Variants in RAB38 observed in about 807,000 individuals in gnomAD.
RAB38 encodes the protein ras-related protein Rab-38.
In RAB38, 15 loss-of-function variants were observed where a neutral mutation model predicts 18.4. That is an observed-to-expected ratio of 0.82 (90% CI 0.55 to 1.26). The LOEUF is 1.26. RAB38 is among the 50% of genes most tolerant of loss of function. The probability of loss-of-function intolerance (pLI) is 0.00; values close to 1 mark genes in which losing one functional copy is unlikely to be tolerated. For synonymous variants in RAB38, 101 were observed against 104.4 expected (o/e 0.97, Z 0.20); for missense variants, 294 against 267.4 (o/e 1.10, Z -0.69).
At chr11:88,056,850 T>C in the RAB38 span, among the ~76,000 whole-genome samples, 76,880 of 151,602 alleles carry the variant, frequency 0.51, 20,173 homozygotes, top group South Asian at 0.62. Flanking sequence ...CATACATACA[T>C]ACATACATAC....
At chr11:88,046,489 T>G in the RAB38 span, among the ~76,000 whole-genome samples, 3 of 152,296 alleles carry the variant, frequency 2.0e-5, no homozygotes, top group East Asian at 5.8e-4. Flanking sequence ...CTCTTTGCTT[T>G]CACTTGTACT....
intron 1 of RAB38, among the ~76,000 whole-genome samples, chr11:88,172,518 G>T (rs1023631887): frequency 5.3e-5 from 8 of 152,270 alleles, no homozygotes; most frequent in African/African-American, 1.7e-4. Flanking sequence ...AACAGTGCAG[G>T]TCTTCTCTAT....
intron 2 of RAB38, among the ~76,000 whole-genome samples, chr11:88,136,599 A>G (rs988431697): frequency 6.6e-6 from 1 of 152,216 alleles, no homozygotes; most frequent in African/African-American, 2.4e-5. Flanking sequence ...AAAAGTAGAA[A>G]GCTGGAAAGA....
the RAB38 span, among the ~76,000 whole-genome samples, chr11:87,967,907 G>A: frequency 6.6e-6 from 1 of 152,130 alleles, no homozygotes; most frequent in Non-Finnish European, 1.5e-5. Context: ...CATGCGGGAG[G>A]TGTTGGGTGT....
the RAB38 span, among the ~76,000 whole-genome samples, chr11:88,040,656 C>T: frequency 6.6e-6 from 1 of 152,066 alleles, no homozygotes; most frequent in African/African-American, 2.4e-5. Context: ...TGAGCCGTGA[C>T]TGCACCACGG....
chr11:87,900,656 A>AAAGG, the RAB38 span, among the ~76,000 whole-genome samples: 3 of 118,924 alleles, frequency 2.5e-5, no homozygotes, highest in Non-Finnish European at 5.1e-5. Context: ...TCACAGAAAG[A>AAAGG]AAGGTAGGAA....
chr11:88,052,947 T>TATCA, the RAB38 span, among the ~76,000 whole-genome samples: 5 of 81,128 alleles, frequency 6.2e-5, no homozygotes, highest in Admixed American at 4.7e-4. Context: ...TATATATAAA[T>TATCA]TATATATATG....
chr11:87,832,002 T>C, the RAB38 span, among the ~76,000 whole-genome samples: 2 of 152,194 alleles, frequency 1.3e-5, no homozygotes, highest in African/African-American at 4.8e-5. Flanking sequence ...AAATATGCTG[T>C]GTTAATGTTC....
the RAB38 span, among the ~76,000 whole-genome samples, chr11:88,052,387 A>C: frequency 6.6e-6 from 1 of 152,166 alleles, no homozygotes; most frequent in East Asian, 1.9e-4. Context: ...TAGTTGAATT[A>C]ATAATGCCTG....
At chr11:88,031,818 A>C in the RAB38 span, among the ~76,000 whole-genome samples, 1 of 152,228 alleles carries the variant, frequency 6.6e-6, no homozygotes, top group Non-Finnish European at 1.5e-5. Context: ...GGTAATTTAC[A>C]GATTCAATAC....
the RAB38 span, among the ~76,000 whole-genome samples, chr11:87,976,666 T>TTATATTA: frequency 9.4e-6 from 1 of 105,996 alleles, no homozygotes; most frequent in South Asian, 2.6e-4. Context: ...ATATATAATT[T>TTATATTA]TATATGATAT....
the RAB38 span, among the ~76,000 whole-genome samples, chr11:87,820,209 C>T: frequency 2.6e-5 from 4 of 152,070 alleles, no homozygotes; most frequent in Non-Finnish European, 4.4e-5. Context: ...TTTCGGTTTT[C>T]ATGGACTGAT....
the RAB38 span, among the ~76,000 whole-genome samples, chr11:88,032,653 A>G: frequency 2.0e-4 from 30 of 152,232 alleles, no homozygotes; most frequent in African/African-American, 7.2e-4. Flanking sequence ...CCATCAGAGA[A>G]ATGCAAATCA....
At chr11:88,006,393 C>A in the RAB38 span, among the ~76,000 whole-genome samples, 3 of 151,138 alleles carry the variant, frequency 2.0e-5, no homozygotes, top group African/African-American at 7.3e-5. Flanking sequence ...AAAATGGAAC[C>A]ACCATATGAT....
At chr11:87,967,569 C>G in the RAB38 span, among the ~76,000 whole-genome samples, 1 of 152,014 alleles carries the variant, frequency 6.6e-6, no homozygotes, top group Non-Finnish European at 1.5e-5. Flanking sequence ...ATGGTTAAGC[C>G]CAATGCAATA....
At chr11:87,977,368 A>AAATAT in the RAB38 span, among the ~76,000 whole-genome samples, 2 of 80,178 alleles carry the variant, frequency 2.5e-5, no homozygotes, top group Non-Finnish European at 4.8e-5. Context: ...GTATATTATA[A>AAATAT]AATTATATTA....
chr11:87,943,874 A>G, the RAB38 span, among the ~76,000 whole-genome samples: 1 of 152,302 alleles, frequency 6.6e-6, no homozygotes, highest in African/African-American at 2.4e-5. Flanking sequence ...AAAGTTGAGT[A>G]TGCAAAAATG....
the RAB38 span, among the ~76,000 whole-genome samples, chr11:88,025,997 G>A: frequency 1.3e-4 from 20 of 151,918 alleles, no homozygotes; most frequent in East Asian, 2.0e-3. Flanking sequence ...ATGGAGTCTC[G>A]CTGTGTCGCC....
intron 2 of RAB38, among the ~76,000 whole-genome samples, chr11:88,141,442 T>G (rs1189426116): frequency 6.6e-6 from 1 of 152,202 alleles, no homozygotes; most frequent in Non-Finnish European, 1.5e-5. Context: ...AATGCAATAG[T>G]GCTGAGGTTG....
Sources: allele counts gnomAD v4.1 joint callset (sites outside exome capture counted in the v4.1 genomes callset), GRCh38; gene constraint gnomAD v4.1.1; transcripts MANE v1.5; gene names NCBI Gene and HGNC (gene_info 2026-07-23, HGNC 2026-07-21).